Variants in JPT1 observed in about 807,000 individuals in gnomAD.
The protein encoded by JPT1 is Jupiter microtubule associated homolog 1, also known as androgen-regulated protein 2.
In JPT1, 5 loss-of-function variants were observed where a neutral mutation model predicts 17.0. The observed-to-expected ratio is 0.29, with a 90% CI of 0.15 to 0.62. The LOEUF (loss-of-function observed/expected upper bound fraction) is 0.62. Ranked by LOEUF, JPT1 falls within the 20% of genes least tolerant of loss-of-function variation. JPT1 has a pLI of 0.85. For synonymous variants in JPT1, 71 were observed against 73.6 expected (o/e 0.96, Z 0.18); for missense variants, 158 against 188.1 (o/e 0.84, Z 0.94).
chr17:75,150,754 T>C (rs1258179806), intron 1 of JPT1, among the ~76,000 whole-genome samples: 1 of 152,108 alleles, frequency 6.6e-6, no homozygotes, highest in East Asian at 1.9e-4. Context: ...ATGGAAAGAC[T>C]TTCTAACTAC....
In JPT1 at chr17:75,136,000, T is replaced by C. The variant is rs2074186783; in HGVS notation, c.*102A>G. 1.2e-6 allele frequency: 2 copies of C among 1,607,352 alleles called. No homozygotes were observed. Among genetic ancestry groups the C allele is most frequent in the Non-Finnish European group, 1.7e-6 (2 of 1,176,252 alleles). ...AGACAGCAGTACATAAAGTGCTTCT[T>C]TTTAATGAAACAAATCCAAGAGATG... On this transcript the variant is annotated 3_prime_UTR_variant, in exon 5 of 5. Transcript: ENST00000409753.
rs764708671 is a variant in JPT1 at position 75,136,185 on chromosome 17, G to T, written c.382C>A (p.Pro128Thr). Reference protein sequence around the residue: ...QSEEKPVPAAPVPSPVAPAPV... With the variant: ...QSEEKPVPAATVPSPVAPAPV... ...GCCGGGGCCACCGGGCTGGGCACAGGCGCAGCAGGCACGGGCTTCTCTTCA... is the reference window on the plus strand; with the variant it reads ...GCCGGGGCCACCGGGCTGGGCACAGTCGCAGCAGGCACGGGCTTCTCTTCA... The change falls in exon 5 of 5, where the codon CCT becomes ACT. Residue 128 changes from proline to threonine, a missense_variant. Pro to Thr is a conservative substitution (Grantham distance 38). Transcript: ENST00000409753. 3.1e-6 allele frequency: 5 copies of T among 1,613,932 alleles called. No individual in the cohort carries two copies. In the South Asian group the frequency reaches 4.4e-5, roughly 14 times the overall value.
At chr17:75,151,609 C>T (rs2074554053) in intron 1 of JPT1, among the ~76,000 whole-genome samples, 1 of 151,030 alleles carries the variant, frequency 6.6e-6, no homozygotes, top group South Asian at 2.1e-4. Context: ...TTGCAGTGAG[C>T]CAGAGATCAT....
chr17:75,138,009 T>G (rs189253875), intron 4 of JPT1, among the ~76,000 whole-genome samples: 1 of 151,472 alleles, frequency 6.6e-6, no homozygotes, highest in Non-Finnish European at 1.5e-5. Context: ...CAGGCTAGAG[T>G]GCAACAGTGC....
chr17:75,149,109 A>C, intron 1 of JPT1: 1 of 1,155,346 alleles, frequency 8.7e-7, no homozygotes, highest in Non-Finnish European at 1.1e-6. Context: ...CCAGCACCCT[A>C]GGAGGCCAAG....
chr17:75,150,364 C>G (rs1199026128), intron 1 of JPT1, among the ~76,000 whole-genome samples: 1 of 152,146 alleles, frequency 6.6e-6, no homozygotes, highest in Non-Finnish European at 1.5e-5. Context: ...AGCGATTCTC[C>G]TGCCTCAGCC....
In JPT1 at chr17:75,154,449, G is replaced by C. The variant is rs780792262; in HGVS notation, c.-52C>G. Reference sequence around the variant, plus strand: ...GCCGGAGCAGAACGCTCAAAGGGTCGGACCCGAGGGGCGCTGGGAAACTCC... The same window carrying C: ...GCCGGAGCAGAACGCTCAAAGGGTCCGACCCGAGGGGCGCTGGGAAACTCC... On this transcript the variant is annotated 5_prime_UTR_variant, in exon 1 of 5. Transcript: ENST00000409753. 303 of 1,500,772 alleles carry C rather than the reference G, an allele frequency of 2.0e-4. No individual in the cohort carries two copies. The highest frequency in any genetic ancestry group is 2.1e-4 in the Non-Finnish European group (237 of 1,112,334). The allele number at this position is 1,500,772 out of a possible 1,614,324, so 93.0% of individuals were successfully genotyped here.
At chr17:75,143,711 C>T (rs933739899) in intron 4 of JPT1, among the ~76,000 whole-genome samples, 2 of 151,914 alleles carry the variant, frequency 1.3e-5, no homozygotes, top group Admixed American at 1.3e-4. Context: ...TGGTGCATGC[C>T]TGTAATCTCA....
Position 75,136,230 on chromosome 17 carries a change from G to T in JPT1, c.337C>A (p.Pro113Thr), listed in dbSNP as rs895029385. The change falls in exon 5 of 5, where the codon CCA becomes ACA. Residue 113 changes from proline (P) to threonine (T), a missense_variant. Coordinates refer to ENST00000409753, the MANE Select transcript of JPT1 (RefSeq NM_016185.4). ...TCTTCACTCTGCCCCAGGCTGCCTG[G>T]CAAGTCTGTGTCCACATTTTCTATG... ...DIHENVDTDL[P>T]GSLGQSEEKP... 2.1e-5 allele frequency: 34 copies of T among 1,595,762 alleles called. No individual in the cohort carries two copies. Among genetic ancestry groups the T allele is most frequent in the Non-Finnish European group, 2.8e-5 (33 of 1,168,640 alleles).
intron 4 of JPT1, among the ~76,000 whole-genome samples, chr17:75,140,273 A>G (rs1206691874): frequency 6.6e-6 from 1 of 151,262 alleles, no homozygotes; most frequent in Non-Finnish European, 1.5e-5. Context: ...TGCTGAAGAT[A>G]ATTTAAAAAA....
At position 75,148,635 on chromosome 17, in the gene JPT1, T is replaced by C. The variant is rs746493186; in HGVS notation, c.93A>G (p.Ser31=). The change falls in exon 2 of 5, where the codon TCA becomes TCG. Residue 31 remains serine (S), a synonymous_variant. Coordinates refer to ENST00000409753, the MANE Select transcript of JPT1 (RefSeq NM_016185.4). ...GTTCTGTTGGTTCATCAAAACCTAA[T>C]GAAAAATTGGATCCACCACCTGGAG... is the stretch of plus-strand genomic sequence containing the variant. ...LRPPGGGSNF[S]LGFDEPTEQP... is the part of the protein sequence containing the mutation. The C allele has an allele frequency of 1.1e-5, 17 of 1,614,082 alleles. No individual in the cohort carries two copies. The highest frequency in any genetic ancestry group is 1.4e-5 in the Non-Finnish European group (16 of 1,180,032).
rs1256358998 is a variant in JPT1, at chr17:75,154,423, C to T, written c.-26G>A. The T allele has an allele frequency of 1.9e-5, 30 of 1,545,820 alleles. No individual in the cohort carries two copies. The highest frequency in any genetic ancestry group is 6.0e-5 in the South Asian group (5 of 83,834). Reference sequence around the variant, plus strand: ...GGCGCCGAGGAGCGAGGTAGGCTGGCGCCGGAGCAGAACGCTCAAAGGGTC... The same window carrying T: ...GGCGCCGAGGAGCGAGGTAGGCTGGTGCCGGAGCAGAACGCTCAAAGGGTC... On this transcript the variant is annotated 5_prime_UTR_variant, in exon 1 of 5. Transcript: ENST00000409753.
intron 2 of JPT1, chr17:75,147,984 C>G (rs1450712311): frequency 7.5e-6 from 2 of 267,146 alleles, no homozygotes; most frequent in South Asian, 1.4e-4. Context: ...CCAGCCTGGG[C>G]AACAGAATGA....
chr17:75,136,336 T>G, intron 4 of JPT1, 86 bp from the exon 5 acceptor site: 1 of 1,419,384 alleles, frequency 7.0e-7, no homozygotes, highest in Non-Finnish European at 9.4e-7. Flanking sequence ...TTTCTTTTTT[T>G]TTTGGTTTGA....
At chr17:75,145,270 C>A (rs139863635) in intron 4 of JPT1, 115 of 151,670 alleles carry the variant, frequency 7.6e-4, no homozygotes, top group African/African-American at 2.7e-3. Flanking sequence ...TGTAAGCACA[C>A]CACAAAACAT....
chr17:75,137,685 C>CTTTTTTTTTTTT (rs60118585), intron 4 of JPT1, among the ~76,000 whole-genome samples: 1 of 112,846 alleles, frequency 8.9e-6, no homozygotes, highest in Non-Finnish European at 1.6e-5. Flanking sequence ...CCTAGTTTTC[C>CTTTTTTTTTTTT]TTTTTTTTTT....
chr17:75,146,634 G>C, intron 4 of JPT1, 32 bp downstream of exon 4: 1 of 1,510,858 alleles, frequency 6.6e-7, no homozygotes, highest in South Asian at 1.2e-5. Context: ...ACCATGGACA[G>C]AGCCAGAAAT....
rs1367900526 is a variant in JPT1 at position 75,135,810 on chromosome 17, G to T, written c.*292C>A. ...AAGTGTTAAAAACCTCAGTACAAAA[G>T]ATCCTCTAACACATCTGGAACCAAA... On this transcript the variant is annotated 3_prime_UTR_variant, in exon 5 of 5. Coordinates refer to ENST00000409753, the MANE Select transcript of JPT1 (RefSeq NM_016185.4). 3 of 577,042 alleles carry T rather than the reference G, an allele frequency of 5.2e-6. No homozygotes were observed. The highest frequency in any genetic ancestry group is 9.0e-6 in the Non-Finnish European group (3 of 332,040). 35.7% of individuals were successfully genotyped at this position (577,042 alleles called of 1,614,324 possible).
At chr17:75,149,716 A>G (rs1472633796) in intron 1 of JPT1, among the ~76,000 whole-genome samples, 2 of 152,148 alleles carry the variant, frequency 1.3e-5, no homozygotes, top group African/African-American at 4.8e-5. Context: ...ATTTTCAACT[A>G]GATAAATAAC....
Sources: gnomAD v4.1 joint callset for allele counts (sites outside exome capture counted in the v4.1 genomes callset) on GRCh38, gnomAD v4.1.1 for gene constraint, MANE v1.5 for transcripts, NCBI Gene and HGNC (gene_info 2026-07-23, HGNC 2026-07-21) for gene names.